Variants in TRAPPC10 observed in about 807,000 individuals in gnomAD.
TRAPPC10 encodes trafficking protein particle complex subunit 10, also known as TRAPP 130 kDa subunit.
TRAPPC10 carries 23 observed loss-of-function variants against 125.5 expected under a neutral mutation model. The ratio of observed to expected loss-of-function variants is 0.18; its 90% CI spans 0.13 to 0.26. TRAPPC10 has a LOEUF of 0.26. Ranked by LOEUF, TRAPPC10 falls within the 10% of genes least tolerant of loss-of-function variation. The probability of loss-of-function intolerance (pLI) is 1.00; values close to 1 mark genes in which losing one functional copy is unlikely to be tolerated. For synonymous variants in TRAPPC10, 509 were observed against 518.0 expected (o/e 0.98, Z 0.24); for missense variants, 1,123 against 1,308.4 (o/e 0.86, Z 2.19).
Position 44,087,877 on chromosome 21 carries a change from G to A in TRAPPC10, c.2718G>A (p.Lys906=). ...DMLGMAEPHR[K]HKDKQRTGRC... ...TGGGGATGGCAGAGCCCCACAGGAA[G>A]CATAAGGACAAACAGAGAACTGGCC... Residue 906 remains lysine, a synonymous_variant, in exon 17 of 23, where the codon AAG becomes AAA. Coordinates refer to ENST00000291574, the MANE Select transcript of TRAPPC10 (RefSeq NM_003274.5). The surrounding 1 kb of genome is among the most constrained non-coding windows in gnomAD (Gnocchi z 4.6). 6.2e-7 allele frequency: 1 copy of A among 1,614,190 alleles called. No individual in the cohort carries two copies. Among genetic ancestry groups the A allele is most frequent in the Non-Finnish European group, 8.5e-7 (1 of 1,180,030 alleles).
chr21:44,046,267 A>G (rs1452946150), intron 3 of TRAPPC10: 1 of 221,192 alleles, frequency 4.5e-6, no homozygotes, highest in Non-Finnish European at 1.0e-5. Flanking sequence ...TTTCACAGAG[A>G]TGCAGTCCAC....
At chr21:44,075,003 G>T (rs759793418) in intron 8 of TRAPPC10, 36 bp from the exon 9 acceptor site, 1 of 1,434,410 alleles carries the variant, frequency 7.0e-7, no homozygotes, top group Middle Eastern at 1.8e-4. Flanking sequence ...TGACTCTTAC[G>T]GCAAATTAAT....
intron 8 of TRAPPC10, among the ~76,000 whole-genome samples, chr21:44,074,685 C>T (rs1194186273): frequency 2.0e-5 from 3 of 152,238 alleles, no homozygotes; most frequent in East Asian, 1.9e-4. Flanking sequence ...TTGCTGTGCT[C>T]CTGTGAAATT....
chr21:44,043,376 G>A (rs975639786), intron 3 of TRAPPC10, among the ~76,000 whole-genome samples: 1 of 151,660 alleles, frequency 6.6e-6, no homozygotes, highest in African/African-American at 2.4e-5. Flanking sequence ...ACCACCCCTG[G>A]CTAATTTTTG....
At chr21:44,012,869 C>T (rs2031306501) in intron 1 of TRAPPC10, among the ~76,000 whole-genome samples, 1 of 151,940 alleles carries the variant, frequency 6.6e-6, no homozygotes, top group African/African-American at 2.4e-5. Flanking sequence ...GGAGCGGGGG[C>T]TGCCACCGCC....
In TRAPPC10 at chr21:44,063,888, G is replaced by A; in HGVS notation, c.1038+103G>A. 1 of 1,466,038 alleles carries A rather than the reference G, an allele frequency of 6.8e-7. No individual in the cohort carries two copies. Among genetic ancestry groups the A allele is most frequent in the Non-Finnish European group, 9.1e-7 (1 of 1,099,794 alleles). 90.8% of individuals were successfully genotyped at this position (1,466,038 alleles called of 1,614,324 possible). A position where few individuals can be genotyped will look rare whatever the true frequency, so the allele number is the denominator to read the frequency against. On this transcript the variant is annotated intron_variant, in intron 7 of 22. Coordinates refer to ENST00000291574, the MANE Select transcript of TRAPPC10 (RefSeq NM_003274.5). The surrounding 1 kb of genome is among the most constrained non-coding windows in gnomAD (Gnocchi z 4.4). ...TTGAACTGTTTGTGCTTAAGAAAGG[G>A]TTTTCTTTTCTGAATGCCTTTAATT...
chr21:44,033,196 A>C (rs192649766), intron 2 of TRAPPC10, among the ~76,000 whole-genome samples: 9 of 152,308 alleles, frequency 5.9e-5, no homozygotes, highest in Non-Finnish European at 8.8e-5. Context: ...GGGTATACAG[A>C]ATTTCCTGTT....
At chr21:44,052,524 T>G in intron 4 of TRAPPC10, 48 bp downstream of exon 4, 1 of 1,514,104 alleles carries the variant, frequency 6.6e-7, no homozygotes, top group Non-Finnish European at 8.9e-7. Flanking sequence ...CTTGACATGA[T>G]ACAGATTGCT....
At chr21:44,069,147 G>A (rs1329653470) in intron 7 of TRAPPC10, among the ~76,000 whole-genome samples, 1 of 152,160 alleles carries the variant, frequency 6.6e-6, no homozygotes, top group African/African-American at 2.4e-5. Flanking sequence ...TTATGGTTAT[G>A]CACCAGCCGT....
At chr21:44,070,170 C>T (rs191960545) in intron 7 of TRAPPC10, among the ~76,000 whole-genome samples, 2 of 152,226 alleles carry the variant, frequency 1.3e-5, no homozygotes, top group African/African-American at 2.4e-5. Context: ...ATGTACCTTC[C>T]AGTGTGTGGG....
At chr21:44,080,249 A>G (rs2037596058) in intron 13 of TRAPPC10, 122 bp downstream of exon 13, 2 of 821,156 alleles carry the variant, frequency 2.4e-6, no homozygotes, top group East Asian at 2.7e-5. Flanking sequence ...TGTAGCTGAC[A>G]TGTATCTATG....
At chr21:44,043,127 C>T (rs960817401) in intron 3 of TRAPPC10, among the ~76,000 whole-genome samples, 1 of 151,862 alleles carries the variant, frequency 6.6e-6, no homozygotes, top group Non-Finnish European at 1.5e-5. Context: ...AAACCAACAT[C>T]CTGTATGCAC....
intron 3 of TRAPPC10, 141 bp downstream of exon 3, chr21:44,038,068 G>C: frequency 3.2e-6 from 4 of 1,245,762 alleles, no homozygotes; most frequent in Middle Eastern, 5.7e-4. Flanking sequence ...GTGAGTACCA[G>C]TGGGGGAAGA....
At chr21:44,027,775 G>T (rs2033202850) in intron 1 of TRAPPC10, among the ~76,000 whole-genome samples, 1 of 152,106 alleles carries the variant, frequency 6.6e-6, no homozygotes, top group Admixed American at 6.5e-5. Flanking sequence ...GTTTTGGGAG[G>T]TGGGGCCTTT....
At chr21:44,022,541 C>T (rs1429425279) in intron 1 of TRAPPC10, among the ~76,000 whole-genome samples, 5 of 148,098 alleles carry the variant, frequency 3.4e-5, no homozygotes, top group Non-Finnish European at 5.9e-5. Flanking sequence ...CTCGAACTCC[C>T]GACCTCAGGT....
At chr21:44,090,685 G>T (rs2146198737) in intron 18 of TRAPPC10, among the ~76,000 whole-genome samples, 1 of 152,288 alleles carries the variant, frequency 6.6e-6, no homozygotes, top group African/African-American at 2.4e-5. Flanking sequence ...GACGGTGCTA[G>T]CGTTGATCAA....
At position 44,086,806 on chromosome 21, in the gene TRAPPC10, C is replaced by A; in HGVS notation, c.2385C>A (p.Ser795Arg). The A allele has an allele frequency of 6.2e-7, 1 of 1,614,114 alleles. No homozygotes were observed. Among genetic ancestry groups the A allele is most frequent in the Non-Finnish European group, 8.5e-7 (1 of 1,179,984 alleles). Reference sequence around the variant, plus strand: ...CCACGATCTCTTTTCCTTTAGATAGCCTTCTGGCAGGCATTCCTCAGAGAG... The same window carrying A: ...CCACGATCTCTTTTCCTTTAGATAGACTTCTGGCAGGCATTCCTCAGAGAG... ...PQLHVEPLAD[S>R]LLAGIPQRVK... Residue 795 changes from serine (S) to arginine (R), a missense_variant, in exon 16 of 23, where the codon AGC becomes AGA. Around this residue, in one of 4 missense-constraint regions of TRAPPC10, gnomAD observed 840 missense variants for 902.0 expected, o/e 0.93. Coordinates refer to ENST00000291574, the MANE Select transcript of TRAPPC10 (RefSeq NM_003274.5).
At chr21:44,060,889 C>T (rs936000462) in intron 6 of TRAPPC10, among the ~76,000 whole-genome samples, 7 of 149,270 alleles carry the variant, frequency 4.7e-5, no homozygotes, top group African/African-American at 1.3e-4. Flanking sequence ...TTGTGAGCCA[C>T]CATGCCCAGC....
chr21:44,076,895 T>G (rs1259796559), intron 10 of TRAPPC10, among the ~76,000 whole-genome samples: 2 of 152,176 alleles, frequency 1.3e-5, no homozygotes, highest in Non-Finnish European at 2.9e-5. Context: ...ACACAGAAAT[T>G]ATAAGAGAGG....
Sources: allele counts gnomAD v4.1 joint callset (sites outside exome capture counted in the v4.1 genomes callset), GRCh38; gene constraint gnomAD v4.1.1; regional missense constraint gnomAD v4.1.1; non-coding constraint Gnocchi (gnomAD v3.1); transcripts MANE v1.5; gene names NCBI Gene and HGNC (gene_info 2026-07-23, HGNC 2026-07-21).